Variants in MACO1 observed in about 807,000 individuals in gnomAD.
MACO1 encodes macoilin.
MACO1 carries 14 observed loss-of-function variants against 78.7 expected under a neutral mutation model. The ratio of observed to expected loss-of-function variants is 0.18; its 90% CI spans 0.12 to 0.28. The LOEUF is 0.28. Among genes scored for constraint, MACO1 ranks in the 10% least tolerant of loss-of-function variants. MACO1 has a pLI of 1.00. For missense variants in MACO1, 501 were observed against 799.0 expected (o/e 0.63, Z 4.50); for synonymous variants, 288 against 291.6 (o/e 0.99, Z 0.12).
At chr1:25,467,682 T>G (rs2043231469) in intron 6 of MACO1, among the ~76,000 whole-genome samples, 1 of 152,142 alleles carries the variant, frequency 6.6e-6, no homozygotes, top group African/African-American at 2.4e-5. Context: ...ATCCAGAGTT[T>G]GCTTGGTAGA....
intron 1 of MACO1, among the ~76,000 whole-genome samples, chr1:25,445,125 T>G (rs574334711): frequency 1.8e-5 from 2 of 113,720 alleles, no homozygotes; most frequent in Admixed American, 1.9e-4. Flanking sequence ...GAGACTCCCA[T>G]CTCTATTAAA....
At chr1:25,483,598 G>A (rs1035096238) in intron 6 of MACO1, among the ~76,000 whole-genome samples, 3 of 152,206 alleles carry the variant, frequency 2.0e-5, no homozygotes, top group African/African-American at 7.2e-5. Flanking sequence ...AGTTGTGAAC[G>A]TCATTCAGCA....
chr1:25,490,450 ATATC>A (rs764528277), intron 9 of MACO1, among the ~76,000 whole-genome samples: 7 of 152,340 alleles, frequency 4.6e-5, no homozygotes, highest in Admixed American at 6.5e-5. Flanking sequence ...TTAAATGAGA[ATATC>A]AATCATGGTG....
chr1:25,484,061 C>T, intron 6 of MACO1, 55 bp from the exon 7 acceptor site: 1 of 1,550,728 alleles, frequency 6.4e-7, no homozygotes, highest in Non-Finnish European at 8.7e-7. Context: ...AGGTCCCTCC[C>T]AGCTCTGTGG....
chr1:25,470,359 G>A (rs1204077966), intron 6 of MACO1, among the ~76,000 whole-genome samples: 1 of 152,224 alleles, frequency 6.6e-6, no homozygotes, highest in Non-Finnish European at 1.5e-5. Flanking sequence ...GCAACAGAAG[G>A]TGGAGAAGAA....
intron 6 of MACO1, among the ~76,000 whole-genome samples, chr1:25,479,515 G>A (rs1200600804): frequency 5.3e-5 from 8 of 152,062 alleles, no homozygotes; most frequent in African/African-American, 1.7e-4. Context: ...CTGACTTCAA[G>A]CGATTCTCCT....
At chr1:25,431,328 G>A in intron 1 of MACO1, 150 bp downstream of exon 1, 1 of 266,820 alleles carries the variant, frequency 3.7e-6, no homozygotes, top group Non-Finnish European at 6.2e-6. Context: ...CCGCTGGCCC[G>A]CCCGCCGGGG....
chr1:25,450,025 C>A lies in MACO1; in HGVS notation c.349+1091C>A, dbSNP rs1278831895. On this transcript the variant is annotated intron_variant, in intron 3 of 10. Transcript: ENST00000374343. ...CAGAGCGAGACTCCATCTCAAAAAA[C>A]ACACAACAAAACAACACAAAATAAA... Among the ~76,000 whole-genome samples the A allele has an allele frequency of 2.6e-5, 4 of 152,248 alleles. No individual in the cohort carries two copies. In the East Asian group the frequency reaches 7.7e-4, roughly 29 times the overall value.
In MACO1 at chr1:25,498,246, G is replaced by A; in HGVS notation, c.1793-18G>A. ...TGAGGCCTCCCTTTTCACTAATGGT[G>A]GGTCTTTGATCTTACAGGACAAATC... On this transcript the variant is annotated intron_variant, in intron 10 of 10. Coordinates refer to ENST00000374343, the MANE Select transcript of MACO1 (RefSeq NM_018202.6). 1 of 1,613,728 alleles carries A rather than the reference G, an allele frequency of 6.2e-7. No homozygotes were observed. Among genetic ancestry groups the A allele is most frequent in the Non-Finnish European group, 8.5e-7 (1 of 1,179,776 alleles).
At chr1:25,457,886 A>C (rs914866869) in intron 5 of MACO1, among the ~76,000 whole-genome samples, 1 of 152,230 alleles carries the variant, frequency 6.6e-6, no homozygotes, top group African/African-American at 2.4e-5. Flanking sequence ...TATTACCTCA[A>C]CACTAGAGTC....
chr1:25,456,714 C>G lies in MACO1; in HGVS notation c.535C>G (p.Arg179Gly). Residue 179 changes from arginine to glycine, a missense_variant, in exon 5 of 11, where the codon CGG (arginine) becomes GGG (glycine). Around this residue, in one of 5 missense-constraint regions of MACO1, gnomAD observed 171 missense variants for 292.1 expected, o/e 0.59. Transcript: ENST00000374343. ...CAAAAGTTACGTAAGCTACAAAATG[C>G]GGTTAAGGAAGCAAAAAGAAGTACA... ...GFKSYVSYKM[R>G]LRKQKEVQKE... 6.2e-7 allele frequency: 1 copy of G among 1,613,744 alleles called. No individual in the cohort carries two copies. The highest frequency in any genetic ancestry group is 8.5e-7 in the Non-Finnish European group (1 of 1,179,918).
In MACO1 at chr1:25,448,883, C is replaced by CT. The variant is rs752439249; in HGVS notation, c.306dup (p.Ala103CysfsTer3). The CT allele has an allele frequency of 9.6e-5, 148 of 1,548,088 alleles. No individual in the cohort carries two copies. The highest frequency in any genetic ancestry group is 3.4e-4 in the Middle Eastern group (2 of 5,844). ...CCTGCTGTTCATCCCCATACAGTGG[C>CT]TTTTTTTTGCTGCTAGCACATATGT... On this transcript the variant is annotated frameshift_variant, in exon 3 of 11. Transcript: ENST00000374343. LOFTEE classifies it high-confidence loss of function.
At chr1:25,432,377 A>G (rs1289372000) in intron 1 of MACO1, among the ~76,000 whole-genome samples, 1 of 152,238 alleles carries the variant, frequency 6.6e-6, no homozygotes, top group African/African-American at 2.4e-5. Context: ...GCATTAAGGA[A>G]TCAAAGTAAA....
chr1:25,469,150 GTTTAAC>G (rs952590593), intron 6 of MACO1, among the ~76,000 whole-genome samples: 5 of 152,024 alleles, frequency 3.3e-5, no homozygotes, highest in African/African-American at 9.7e-5. Context: ...GCTGAGAAGT[GTTTAAC>G]TTATACTCAT....
chr1:25,451,064 A>AG (rs776806811), intron 3 of MACO1, among the ~76,000 whole-genome samples: 7,310 of 152,280 alleles, frequency 0.048, 559 homozygotes, highest in African/African-American at 0.16. Context: ...AATGTCATAA[A>AG]ATGCTACTGG....
intron 6 of MACO1, among the ~76,000 whole-genome samples, chr1:25,469,123 G>A (rs972389168): frequency 4.0e-4 from 61 of 152,076 alleles, no homozygotes; most frequent in Admixed American, 3.9e-3. Flanking sequence ...GATTACAGGC[G>A]TGAGCCACCA....
intron 6 of MACO1, among the ~76,000 whole-genome samples, chr1:25,468,589 A>G (rs919600785): frequency 7.2e-5 from 11 of 151,902 alleles, no homozygotes; most frequent in Non-Finnish European, 1.6e-4. Context: ...TTGAATACTC[A>G]CTCTTTTATT....
At chr1:25,448,734 G>T in intron 2 of MACO1, 74 bp from the exon 3 acceptor site, 1 of 1,357,716 alleles carries the variant, frequency 7.4e-7, no homozygotes, top group Non-Finnish European at 9.8e-7. Context: ...TGTCCAACAT[G>T]TGTTTAACAA....
intron 2 of MACO1, among the ~76,000 whole-genome samples, chr1:25,447,905 G>T (rs908231902): frequency 5.3e-5 from 8 of 152,068 alleles, no homozygotes; most frequent in African/African-American, 1.7e-4. Flanking sequence ...TCCCACCCAG[G>T]CCTGGTGCTT....
Sources: allele counts gnomAD v4.1 joint callset (sites outside exome capture counted in the v4.1 genomes callset), GRCh38; gene constraint gnomAD v4.1.1; regional missense constraint gnomAD v4.1.1; transcripts MANE v1.5; gene names NCBI Gene and HGNC (gene_info 2026-07-23, HGNC 2026-07-21).